Variants in NCAM2 observed in about 807,000 individuals in gnomAD.
NCAM2 encodes N-CAM-2.
NCAM2 carries 30 observed loss-of-function variants against 98.1 expected under a neutral mutation model. The observed-to-expected ratio is 0.31, with a 90% CI of 0.23 to 0.41. The LOEUF (loss-of-function observed/expected upper bound fraction) is 0.41, where lower values mean the gene tolerates loss of function less well. NCAM2 is among the 10% of genes least tolerant of loss of function. NCAM2 has a pLI of 1.00. For synonymous variants in NCAM2, 368 were observed against 342.4 expected, an observed-to-expected ratio of 1.07 and a Z score of -0.83; for missense variants, 867 against 1,005.8, an observed-to-expected ratio of 0.86 and a Z score of 1.87.
intron 12 of NCAM2, among the ~76,000 whole-genome samples, chr21:21,457,655 AGTG>A (rs1982354109): frequency 6.6e-6 from 1 of 151,234 alleles, no homozygotes. Flanking sequence ...AAAAAAAAAA[AGTG>A]GTGAAGAACT....
chr21:21,341,437 C>T (rs765164885), intron 8 of NCAM2, among the ~76,000 whole-genome samples: 12 of 152,066 alleles, frequency 7.9e-5, no homozygotes, highest in Non-Finnish European at 1.6e-4. Context: ...AAATTAACAG[C>T]TAATATTTCC....
chr21:21,135,245 C>A (rs1438838747), intron 1 of NCAM2, among the ~76,000 whole-genome samples: 164 of 88,498 alleles, frequency 1.9e-3, no homozygotes, highest in South Asian at 4.3e-3. Context: ...GACTCCATCT[C>A]AAAAAAAAAA....
At chr21:21,453,731 T>G (rs1302105688) in intron 12 of NCAM2, among the ~76,000 whole-genome samples, 1 of 152,102 alleles carries the variant, frequency 6.6e-6, no homozygotes, top group East Asian at 1.9e-4. Flanking sequence ...TTGATATACA[T>G]TTTCCTTCTT....
At chr21:21,246,648 T>C (rs2071282255) in intron 1 of NCAM2, among the ~76,000 whole-genome samples, 1 of 152,202 alleles carries the variant, frequency 6.6e-6, no homozygotes, top group South Asian at 2.1e-4. Flanking sequence ...TTCATCTTTA[T>C]TGCAGTTTCT....
intron 16 of NCAM2, among the ~76,000 whole-genome samples, chr21:21,524,273 A>G (rs1160751837): frequency 2.0e-5 from 3 of 152,086 alleles, no homozygotes; most frequent in Non-Finnish European, 4.4e-5. Flanking sequence ...TCTCAAGGAA[A>G]ATATAGTGAT....
chr21:21,051,067 G>A (rs1389966831), intron 1 of NCAM2, among the ~76,000 whole-genome samples: 1 of 152,182 alleles, frequency 6.6e-6, no homozygotes, highest in African/African-American at 2.4e-5. Context: ...TAAAAGAAGT[G>A]TTTGTCCCAG....
intron 1 of NCAM2, among the ~76,000 whole-genome samples, chr21:21,115,112 C>A (rs773435444): frequency 6.6e-6 from 1 of 152,254 alleles, no homozygotes; most frequent in Admixed American, 6.5e-5. Flanking sequence ...TGAGCCACCG[C>A]ACCCGGCCAT....
At chr21:21,383,510 A>G (rs1354106833) in intron 9 of NCAM2, among the ~76,000 whole-genome samples, 1 of 152,154 alleles carries the variant, frequency 6.6e-6, no homozygotes, top group African/African-American at 2.4e-5. Flanking sequence ...TGAGAGAAAA[A>G]CAAAGAAAAA....
intron 1 of NCAM2, among the ~76,000 whole-genome samples, chr21:21,055,058 T>C (rs985547118): frequency 1.3e-5 from 2 of 152,022 alleles, no homozygotes; most frequent in African/African-American, 4.8e-5. Context: ...AAGAGAGAAA[T>C]ATAAACATGC....
Position 21,538,154 on chromosome 21 carries a change from G to C in NCAM2, c.*197G>C, listed in dbSNP as rs1435778056. 1.2e-5 allele frequency: 4 copies of C among 347,178 alleles called. No homozygotes were observed. Among genetic ancestry groups the C allele is most frequent in the Non-Finnish European group, 2.1e-5 (4 of 188,096 alleles). 21.5% of individuals were successfully genotyped at this position (347,178 alleles called of 1,614,324 possible). On this transcript the variant is annotated 3_prime_UTR_variant, in exon 18 of 18. Transcript: ENST00000400546. ...TATTGTTGTTGTTGTTGCTGTTGTT[G>C]TTAATTTTGTTAAGAATTTCAATAT... is the stretch of plus-strand genomic sequence containing the variant.
intron 15 of NCAM2, among the ~76,000 whole-genome samples, chr21:21,492,927 A>G (rs1986951423): frequency 6.6e-6 from 1 of 151,912 alleles, no homozygotes; most frequent in Admixed American, 6.6e-5. Context: ...AAATTTTACT[A>G]TTGTTTCTAG....
intron 10 of NCAM2, among the ~76,000 whole-genome samples, chr21:21,413,041 T>G (rs916211830): frequency 1.3e-5 from 2 of 152,202 alleles, no homozygotes; most frequent in African/African-American, 4.8e-5. Flanking sequence ...TTCAAACTTT[T>G]AAAATTGTGT....
chr21:21,040,064 C>A (rs552170615), intron 1 of NCAM2, among the ~76,000 whole-genome samples: 3 of 152,244 alleles, frequency 2.0e-5, no homozygotes, highest in Admixed American at 2.0e-4. Context: ...TCTCTACAGT[C>A]CTCTATTTTA....
intron 1 of NCAM2, among the ~76,000 whole-genome samples, chr21:21,232,382 C>A (rs1205370303): frequency 6.6e-6 from 1 of 151,420 alleles, no homozygotes; most frequent in Non-Finnish European, 1.5e-5. Flanking sequence ...TATTAACAAT[C>A]CTATTTATAA....
At chr21:21,491,176 A>C (rs1986816178) in intron 15 of NCAM2, among the ~76,000 whole-genome samples, 1 of 151,868 alleles carries the variant, frequency 6.6e-6, no homozygotes, top group Non-Finnish European at 1.5e-5. Flanking sequence ...TATTGTAAAA[A>C]TAATTTCGTG....
chr21:21,265,119 CATATATTAT>C (rs2072156715), intron 1 of NCAM2, among the ~76,000 whole-genome samples: 1 of 42,148 alleles, frequency 2.4e-5, no homozygotes, highest in East Asian at 5.3e-4. Flanking sequence ...TATATACATA[CATATATTAT>C]ATATACATAT....
chr21:21,404,243 A>G (rs1200477788), intron 9 of NCAM2, among the ~76,000 whole-genome samples: 3 of 152,168 alleles, frequency 2.0e-5, no homozygotes. Flanking sequence ...CAATATCAAC[A>G]TATGTCAATA....
intron 1 of NCAM2, among the ~76,000 whole-genome samples, chr21:21,049,663 G>A (rs2065067597): frequency 6.6e-6 from 1 of 151,992 alleles, no homozygotes; most frequent in South Asian, 2.1e-4. Context: ...CCTGAGGTCA[G>A]GAGTTCAAGA....
At chr21:21,215,161 G>T (rs1436475615) in intron 1 of NCAM2, among the ~76,000 whole-genome samples, 3 of 152,008 alleles carry the variant, frequency 2.0e-5, no homozygotes, top group African/African-American at 7.2e-5. Flanking sequence ...AGCCAACCCA[G>T]ATGCCCCATG....
Sources: gnomAD v4.1 joint callset for allele counts (sites outside exome capture counted in the v4.1 genomes callset) on GRCh38, gnomAD v4.1.1 for gene constraint, MANE v1.5 for transcripts, NCBI Gene and HGNC (gene_info 2026-07-23, HGNC 2026-07-21) for gene names.